The following PDZD2 variants were observed in gnomAD, a reference collection of about 807,000 sequenced individuals.
The protein encoded by PDZD2 is PDZ domain-containing protein 2.
In PDZD2, 90 loss-of-function variants were observed where a neutral mutation model predicts 220.7. The observed-to-expected ratio is 0.41, with a 90% CI of 0.34 to 0.49. The LOEUF (loss-of-function observed/expected upper bound fraction) is 0.49, where lower values mean the gene tolerates loss of function less well. Among genes scored for constraint, PDZD2 ranks in the 20% least tolerant of loss-of-function variants. The pLI is 0.28. For synonymous variants in PDZD2, 1,375 were observed against 1,450.5 expected (o/e 0.95, Z 1.18); for missense variants, 3,174 against 3,608.5 (o/e 0.88, Z 3.08).
At chr5:31,862,450 G>A (rs116605613) in intron 2 of PDZD2, among the ~76,000 whole-genome samples, 2,380 of 152,042 alleles carry the variant, frequency 0.016, 60 homozygotes, top group African/African-American at 0.055. Context: ...TTGAGTTGAA[G>A]GACCATAATT....
intron 17 of PDZD2, among the ~76,000 whole-genome samples, chr5:32,072,585 G>T (rs1322181896): frequency 6.6e-6 from 1 of 152,182 alleles, no homozygotes; most frequent in African/African-American, 2.4e-5. Context: ...ACAAAAATTA[G>T]CCAGGCGTGG....
At chr5:31,699,649 A>T (rs1231947128) in intron 1 of PDZD2, among the ~76,000 whole-genome samples, 2 of 151,974 alleles carry the variant, frequency 1.3e-5, no homozygotes, top group Non-Finnish European at 2.9e-5. Flanking sequence ...TGTCACCCAG[A>T]CTGGAGTGTA....
At chr5:31,726,161 A>C (rs1749122829) in intron 1 of PDZD2, among the ~76,000 whole-genome samples, 1 of 152,146 alleles carries the variant, frequency 6.6e-6, no homozygotes, top group Non-Finnish European at 1.5e-5. Context: ...GCCTGCTCTG[A>C]GTTAACTTCC....
At position 32,000,595 on chromosome 5, in the gene PDZD2, C is replaced by T. The variant is rs1294877102; in HGVS notation, c.1254+324C>T. ...GCGCAATCTCGGCTCACCGCAACCT[C>T]CACCTTCCGGATTCAAGCAGTTCTC... On this transcript the variant is annotated intron_variant, in intron 5 of 24. Coordinates refer to ENST00000438447, the MANE Select transcript of PDZD2 (RefSeq NM_178140.4). The surrounding 1 kb of genome is among the most constrained non-coding windows in gnomAD (Gnocchi z 4.5). Among the ~76,000 whole-genome samples, 3 of 152,122 alleles carry T rather than the reference C, an allele frequency of 2.0e-5. No homozygotes were observed. The highest frequency in any genetic ancestry group is 4.4e-5 in the Non-Finnish European group (3 of 68,038).
intron 2 of PDZD2, among the ~76,000 whole-genome samples, chr5:31,932,402 A>G (rs1745372830): frequency 6.6e-6 from 1 of 152,112 alleles, no homozygotes; most frequent in African/African-American, 2.4e-5. Flanking sequence ...TACAAAAATT[A>G]GCTAGGCGTG....
intron 2 of PDZD2, among the ~76,000 whole-genome samples, chr5:31,955,683 C>CTTTTTTTTTTTTTTT (rs34964306): frequency 3.5e-4 from 41 of 116,832 alleles, no homozygotes; most frequent in East Asian, 5.0e-4. Flanking sequence ...GGGCTCTGTT[C>CTTTTTTTTTTTTTTT]TTTTTTTTTT....
At chr5:31,999,565 C>G (rs557386134) in intron 4 of PDZD2, among the ~76,000 whole-genome samples, 1 of 151,996 alleles carries the variant, frequency 6.6e-6, no homozygotes, top group Non-Finnish European at 1.5e-5. Flanking sequence ...AACAAGGTGC[C>G]GAGAGTGAGA....
intron 2 of PDZD2, among the ~76,000 whole-genome samples, chr5:31,852,919 T>C (rs1758144283): frequency 1.3e-5 from 2 of 152,236 alleles, no homozygotes; most frequent in East Asian, 1.9e-4. Context: ...TTAAACAGCA[T>C]TGATGTACAC....
intron 1 of PDZD2, among the ~76,000 whole-genome samples, chr5:31,796,301 G>T (rs1396961177): frequency 6.6e-6 from 1 of 152,074 alleles, no homozygotes; most frequent in Non-Finnish European, 1.5e-5. Flanking sequence ...TTAGGGCGAG[G>T]GCAGCAATGC....
At chr5:31,897,191 GC>G (rs2150354297) in intron 2 of PDZD2, among the ~76,000 whole-genome samples, 1 of 151,924 alleles carries the variant, frequency 6.6e-6, no homozygotes, top group South Asian at 2.1e-4. Flanking sequence ...TTTTGAATTA[GC>G]ACCTAAATCA....
chr5:31,919,249 C>A (rs1051504201), intron 2 of PDZD2, among the ~76,000 whole-genome samples: 1 of 152,134 alleles, frequency 6.6e-6, no homozygotes, highest in African/African-American at 2.4e-5. Context: ...TGCACATTTT[C>A]ATATGAGGAA....
chr5:31,862,873 C>T (rs552206563), intron 2 of PDZD2, among the ~76,000 whole-genome samples: 69 of 152,148 alleles, frequency 4.5e-4, no homozygotes, highest in African/African-American at 1.6e-3. Context: ...ATTACAGGCA[C>T]GCGCCGCTAC....
intron 19 of PDZD2, among the ~76,000 whole-genome samples, chr5:32,085,883 T>A (rs953888643): frequency 1.3e-5 from 2 of 151,810 alleles, no homozygotes; most frequent in East Asian, 3.9e-4. Context: ...CTGTAAAAAA[T>A]GTCATTGGAA....
At chr5:31,901,798 A>G (rs928676552) in intron 2 of PDZD2, among the ~76,000 whole-genome samples, 1 of 152,162 alleles carries the variant, frequency 6.6e-6, no homozygotes, top group Non-Finnish European at 1.5e-5. Flanking sequence ...GCCCCTGTCA[A>G]CCACTCTTTG....
chr5:31,643,249 G>T (rs542293498), intron 1 of PDZD2, among the ~76,000 whole-genome samples: 3 of 152,306 alleles, frequency 2.0e-5, no homozygotes, highest in African/African-American at 7.2e-5. Context: ...TAGCAGACTT[G>T]CCTGAAGCTT....
chr5:31,847,966 C>T (rs1265385298), intron 2 of PDZD2: 2 of 430,388 alleles, frequency 4.6e-6, no homozygotes, highest in African/African-American at 2.0e-5. Context: ...TAACTCCAGA[C>T]ATGATGGGGA....
intron 2 of PDZD2, among the ~76,000 whole-genome samples, chr5:31,930,196 C>CTTTTT (rs760145512): frequency 9.8e-6 from 1 of 102,508 alleles, no homozygotes; most frequent in Non-Finnish European, 1.9e-5. Context: ...CTCAGGTATT[C>CTTTTT]TTTTTTTTTT....
intron 23 of PDZD2, chr5:32,100,491 A>T (rs960908623): frequency 7.2e-6 from 2 of 279,686 alleles, no homozygotes; most frequent in Non-Finnish European, 1.4e-5. Flanking sequence ...CTCACAGTGG[A>T]GCAAGATGCC....
chr5:31,925,598 A>G (rs1033106621), intron 2 of PDZD2, among the ~76,000 whole-genome samples: 8 of 152,172 alleles, frequency 5.3e-5, no homozygotes, highest in Admixed American at 3.3e-4. Flanking sequence ...CAACAAAAAC[A>G]AAAATTGACA....
Sources: gnomAD v4.1 joint callset for allele counts (sites outside exome capture counted in the v4.1 genomes callset) on GRCh38, gnomAD v4.1.1 for gene constraint, Gnocchi (gnomAD v3.1) non-coding constraint, MANE v1.5 for transcripts, NCBI Gene and HGNC (gene_info 2026-07-23, HGNC 2026-07-21) for gene names.